Variants in ZNF540 observed in about 807,000 individuals in gnomAD.
The protein encoded by ZNF540 is CTD-3064H18.6.
In ZNF540, 3 loss-of-function variants were observed where a neutral mutation model predicts 11.8. The ratio of observed to expected loss-of-function variants is 0.25; its 90% CI spans 0.12 to 0.65. The LOEUF (loss-of-function observed/expected upper bound fraction) is 0.65. ZNF540 is among the 30% of genes least tolerant of loss of function. The pLI, the probability that ZNF540 is intolerant of heterozygous loss-of-function variation, is 0.83. For synonymous variants in ZNF540, 247 were observed against 259.0 expected (o/e 0.95, Z 0.45); for missense variants, 709 against 793.1 (o/e 0.89, Z 1.27).
At chr19:37,583,233 G>A (rs1337795200) in intron 1 of ZNF540, among the ~76,000 whole-genome samples, 1 of 152,106 alleles carries the variant, frequency 6.6e-6, no homozygotes, top group East Asian at 1.9e-4. Flanking sequence ...ACCTATGAAC[G>A]TAGCAAGCTC....
chr19:37,610,113 T>A (rs915349006), intron 4 of ZNF540, among the ~76,000 whole-genome samples: 1 of 152,206 alleles, frequency 6.6e-6, no homozygotes, highest in Non-Finnish European at 1.5e-5. Flanking sequence ...GGAAGTAAGG[T>A]AGGAAAGAGT....
intron 1 of ZNF540, among the ~76,000 whole-genome samples, chr19:37,588,308 A>G (rs75744345): frequency 0.029 from 4,386 of 152,188 alleles, 212 homozygotes; most frequent in African/African-American, 0.099. Context: ...AGAATTGGAA[A>G]AAAATGCCTG....
At chr19:37,598,958 A>T (rs1397787588) in intron 2 of ZNF540, among the ~76,000 whole-genome samples, 1 of 152,202 alleles carries the variant, frequency 6.6e-6, no homozygotes, top group Non-Finnish European at 1.5e-5. Context: ...TAGTCTTGAC[A>T]TCAGTATGAT....
chr19:37,582,136 T>C (rs149373528), intron 1 of ZNF540, among the ~76,000 whole-genome samples: 7 of 152,310 alleles, frequency 4.6e-5, no homozygotes, highest in Admixed American at 3.9e-4. Flanking sequence ...CAACAGTGCC[T>C]GGTGAGTTAA....
chr19:37,564,574 A>C, intron 1 of ZNF540: 2 of 1,456,086 alleles, frequency 1.4e-6, no homozygotes, highest in Middle Eastern at 1.8e-4. Flanking sequence ...GATTTTCTTA[A>C]ATTTAATCAC....
intron 1 of ZNF540, chr19:37,564,714 C>G: frequency 6.2e-7 from 1 of 1,613,542 alleles, no homozygotes; most frequent in Non-Finnish European, 8.5e-7. Context: ...AGAGTAAGTT[C>G]TGAGCCACGA....
chr19:37,579,962 TG>T (rs1402922668), intron 1 of ZNF540, among the ~76,000 whole-genome samples: 2 of 152,142 alleles, frequency 1.3e-5, no homozygotes, highest in Non-Finnish European at 2.9e-5. Context: ...CCTATTATTC[TG>T]GAAAAAAAAG....
At chr19:37,554,069 G>A (rs1487534497) in intron 1 of ZNF540, among the ~76,000 whole-genome samples, 1 of 152,118 alleles carries the variant, frequency 6.6e-6, no homozygotes, top group African/African-American at 2.4e-5. Context: ...TATCCCTGGG[G>A]TTTGGTGTAC....
intron 1 of ZNF540, among the ~76,000 whole-genome samples, chr19:37,576,286 A>G (rs977036688): frequency 3.3e-5 from 5 of 152,208 alleles, no homozygotes; most frequent in Admixed American, 3.3e-4. Context: ...CAAGGCACTG[A>G]CAATGCCTAA....
In ZNF540 at chr19:37,612,626, T is replaced by C. The variant is rs1599593716; in HGVS notation, c.1346T>C (p.Met449Thr). 16 of 1,614,020 alleles carry C rather than the reference T, an allele frequency of 9.9e-6. No homozygotes were observed. Among genetic ancestry groups the C allele is most frequent in the Non-Finnish European group, 1.4e-5 (16 of 1,179,980 alleles). ...YECKECGKAF[M>T]LRSVLTEHQR... ...TGTAAGGAATGCGGGAAAGCCTTTA[T>C]GCTTCGTTCAGTCCTTACTGAACAT... The change falls in exon 5 of 5, where the codon ATG (methionine) becomes ACG (threonine). Residue 449 changes from methionine (M) to threonine (T), a missense_variant. Met to Thr is a moderately conservative substitution (Grantham distance 81). Transcript: ENST00000316433.
At position 37,613,705 on chromosome 19, in the gene ZNF540, G is replaced by C; in HGVS notation, c.*442G>C. The C allele has an allele frequency of 2.5e-6, 1 of 397,988 alleles. No homozygotes were observed. The highest frequency in any genetic ancestry group is 4.4e-6 in the Non-Finnish European group (1 of 225,936). 24.7% of individuals were successfully genotyped at this position (397,988 alleles called of 1,614,324 possible). ...TTATTATTAGTGGATTTCTTAATAG[G>C]AAGATGCAATGGAGATGACAAATTT... On this transcript the variant is annotated 3_prime_UTR_variant, in exon 5 of 5. Transcript: ENST00000316433.
chr19:37,565,533 T>G, intron 1 of ZNF540: 1 of 1,613,840 alleles, frequency 6.2e-7, no homozygotes, highest in East Asian at 2.2e-5. Flanking sequence ...CTATGAATTC[T>G]CTGATGGTAA....
At chr19:37,570,968 C>T (rs188088809) in intron 1 of ZNF540, among the ~76,000 whole-genome samples, 39 of 152,256 alleles carry the variant, frequency 2.6e-4, no homozygotes, top group Admixed American at 1.4e-3. Flanking sequence ...ACAAATTACT[C>T]TAATTTTAAA....
intron 4 of ZNF540, among the ~76,000 whole-genome samples, chr19:37,603,204 A>G (rs779661114): frequency 1.3e-5 from 2 of 152,028 alleles, no homozygotes; most frequent in Non-Finnish European, 2.9e-5. Context: ...ACGGGGTCTC[A>G]CTATGTTGGC....
intron 4 of ZNF540, among the ~76,000 whole-genome samples, chr19:37,603,384 T>A (rs748837733): frequency 6.6e-6 from 1 of 152,132 alleles, no homozygotes; most frequent in Non-Finnish European, 1.5e-5. Context: ...AGGATAATTA[T>A]GGAAATTGGA....
intron 1 of ZNF540, chr19:37,555,746 G>A (rs2042652182): frequency 9.7e-6 from 6 of 615,486 alleles, no homozygotes; most frequent in Non-Finnish European, 1.7e-5. Flanking sequence ...GGTGAACATA[G>A]TCCCAACATC....
intron 4 of ZNF540, chr19:37,611,195 A>AT (rs34748868): frequency 9.0e-4 from 139 of 155,192 alleles, no homozygotes; most frequent in East Asian, 5.4e-3. Context: ...CCAATTTTGT[A>AT]TTTTTTTTTT....
At position 37,613,933 on chromosome 19, in the gene ZNF540, A is replaced by G. The variant is rs2147237326; in HGVS notation, c.*670A>G. ...TGGAATTACTGCCTTTATAAGAAGA[A>G]GCCAAAGAGCCAGCTAGCTCTTTCA... On this transcript the variant is annotated 3_prime_UTR_variant, in exon 5 of 5. Coordinates refer to ENST00000316433, the MANE Select transcript of ZNF540 (RefSeq NM_001172225.3). 5.0e-6 allele frequency: 2 copies of G among 398,470 alleles called. No individual in the cohort carries two copies. Among genetic ancestry groups the G allele is most frequent in the Non-Finnish European group, 8.8e-6 (2 of 226,006 alleles). 24.7% of individuals were successfully genotyped at this position (398,470 alleles called of 1,614,324 possible).
intron 1 of ZNF540, among the ~76,000 whole-genome samples, chr19:37,597,257 G>A (rs1403365441): frequency 6.6e-6 from 1 of 151,980 alleles, no homozygotes; most frequent in Non-Finnish European, 1.5e-5. Flanking sequence ...GTCCTGCAGG[G>A]ACCCTGGGGA....
Sources: gnomAD v4.1 joint callset for allele counts (sites outside exome capture counted in the v4.1 genomes callset) on GRCh38, gnomAD v4.1.1 for gene constraint, MANE v1.5 for transcripts, NCBI Gene and HGNC (gene_info 2026-07-23, HGNC 2026-07-21) for gene names.